PDE8B: variants seen among roughly 807,000 people sequenced by gnomAD.
The protein encoded by PDE8B is high affinity cAMP-specific and IBMX-insensitive 3',5'-cyclic phosphodiesterase 8B.
Under a neutral mutation model 101.3 loss-of-function variants are expected in PDE8B, and 26 were observed. The ratio of observed to expected loss-of-function variants is 0.26; its 90% CI spans 0.19 to 0.36. PDE8B has a LOEUF of 0.36. PDE8B is among the 10% of genes least tolerant of loss of function. The pLI is 1.00. For synonymous variants in PDE8B, 424 were observed against 429.3 expected, an observed-to-expected ratio of 0.99 and a Z score of 0.15; for missense variants, 810 against 1,163.1, an observed-to-expected ratio of 0.70 and a Z score of 4.42.
chr5:77,318,616 C>G (rs10474495), intron 2 of PDE8B, among the ~76,000 whole-genome samples: 50,120 of 151,812 alleles, frequency 0.33, 8,333 homozygotes, highest in Middle Eastern at 0.43. Context: ...ATAGTGGCTG[C>G]CCCTTAAAAA....
In PDE8B at chr5:77,211,056, T is replaced by G. The variant is rs1251363043; in HGVS notation, c.131T>G (p.Phe44Cys). ...CCGGCGGCACCCCTGCCCGGCCTCT[T>G]CGTCCAGACCGACGCCGCCGACGCC... is the stretch of plus-strand genomic sequence containing the variant. ...QGPAAPLPGL[F>C]VQTDAADAIP... The change falls in exon 1 of 22, where the codon TTC becomes TGC. Residue 44 changes from phenylalanine to cysteine, a missense_variant. Physicochemically the swap from Phe to Cys is radical, Grantham distance 205. Around this residue, in one of 4 missense-constraint regions of PDE8B, gnomAD observed 159 missense variants for 146.6 expected, o/e 1.08. Transcript: ENST00000264917. This position sits in a 1 kb window ranked among gnomAD's most constrained non-coding sequence, Gnocchi z 4.1. 6.5e-7 allele frequency: 1 copy of G among 1,528,454 alleles called. No individual in the cohort carries two copies. Among genetic ancestry groups the G allele is most frequent in the Non-Finnish European group, 8.7e-7 (1 of 1,147,700 alleles). 94.7% of individuals were successfully genotyped at this position (1,528,454 alleles called of 1,614,324 possible). A position where few individuals can be genotyped will look rare whatever the true frequency, so the allele number is the denominator to read the frequency against.
At chr5:77,226,525 A>G (rs111940983) in intron 1 of PDE8B, among the ~76,000 whole-genome samples, 5,020 of 152,216 alleles carry the variant, frequency 0.033, 116 homozygotes, top group Non-Finnish European at 0.052. Context: ...AATTTTTGCT[A>G]TTGTAATGGT....
At chr5:77,417,111 A>G (rs1261606184) in intron 17 of PDE8B, among the ~76,000 whole-genome samples, 1 of 152,164 alleles carries the variant, frequency 6.6e-6, no homozygotes, top group East Asian at 1.9e-4. Context: ...GGTAGCCATC[A>G]GCCTCGCATG....
At chr5:77,182,855 T>G in the PDE8B span, among the ~76,000 whole-genome samples, 3 of 152,100 alleles carry the variant, frequency 2.0e-5, no homozygotes, top group Middle Eastern at 6.8e-3. Flanking sequence ...ATTTGCTTTT[T>G]TGATAACACT....
At chr5:77,398,898 C>T (rs1315471947) in intron 10 of PDE8B, among the ~76,000 whole-genome samples, 3 of 152,224 alleles carry the variant, frequency 2.0e-5, no homozygotes, top group Admixed American at 6.5e-5. Context: ...GCTTACCACA[C>T]GTCAGAGTGG....
chr5:77,315,648 C>T (rs1773638550), intron 2 of PDE8B, among the ~76,000 whole-genome samples: 1 of 152,136 alleles, frequency 6.6e-6, no homozygotes, highest in Non-Finnish European at 1.5e-5. Context: ...AATTTTGTGA[C>T]TATGTGATCT....
chr5:77,291,816 T>C (rs1183052284), intron 1 of PDE8B: 2 of 1,555,820 alleles, frequency 1.3e-6, no homozygotes, highest in African/African-American at 2.7e-5. Flanking sequence ...GTGTTTTAGA[T>C]GAACATCCCT....
chr5:77,371,072 AC>A (rs1785007667), intron 10 of PDE8B, among the ~76,000 whole-genome samples: 1 of 152,218 alleles, frequency 6.6e-6, no homozygotes, highest in Admixed American at 6.5e-5. Flanking sequence ...GCTCATATGT[AC>A]TTTCACTCTG....
At chr5:77,225,379 G>C (rs1752107501) in intron 1 of PDE8B, among the ~76,000 whole-genome samples, 1 of 152,164 alleles carries the variant, frequency 6.6e-6, no homozygotes. Flanking sequence ...CCTTACTGAT[G>C]CTCAGTTGTC....
chr5:77,417,405 A>G (rs1024812841), intron 17 of PDE8B, among the ~76,000 whole-genome samples: 17 of 152,208 alleles, frequency 1.1e-4, no homozygotes, highest in African/African-American at 3.6e-4. Context: ...TACAAACTCC[A>G]TTGTGCAGAC....
the PDE8B span, among the ~76,000 whole-genome samples, chr5:77,150,546 C>G: frequency 6.6e-6 from 1 of 152,142 alleles, no homozygotes; most frequent in African/African-American, 2.4e-5. Context: ...AAGGGACAAA[C>G]TAGGGTACAT....
chr5:77,190,177 G>T, the PDE8B span, among the ~76,000 whole-genome samples: 1 of 152,170 alleles, frequency 6.6e-6, no homozygotes, highest in South Asian at 2.1e-4. Flanking sequence ...AAGGGTGATT[G>T]TGGTCTGGCT....
At chr5:77,335,269 C>T (rs1777921083) in intron 5 of PDE8B, among the ~76,000 whole-genome samples, 1 of 152,132 alleles carries the variant, frequency 6.6e-6, no homozygotes, top group Non-Finnish European at 1.5e-5. Flanking sequence ...AAAACATGAG[C>T]TAACAACTCC....
intron 1 of PDE8B, among the ~76,000 whole-genome samples, chr5:77,300,238 G>A (rs558784826): frequency 6.6e-6 from 1 of 152,220 alleles, no homozygotes; most frequent in Non-Finnish European, 1.5e-5. Flanking sequence ...ACGTTACTCA[G>A]CCTGTTCTGT....
intron 1 of PDE8B, among the ~76,000 whole-genome samples, chr5:77,258,338 G>C (rs1176783018): frequency 6.7e-6 from 1 of 149,616 alleles, no homozygotes; most frequent in Admixed American, 6.6e-5. Flanking sequence ...AGTGTGTTTA[G>C]AGCAGAGTGA....
chr5:77,225,453 T>C (rs1034317783), intron 1 of PDE8B, among the ~76,000 whole-genome samples: 2 of 152,220 alleles, frequency 1.3e-5, no homozygotes, highest in Non-Finnish European at 1.5e-5. Context: ...CTGCTAGTAA[T>C]GTTTGACAGA....
At chr5:77,291,651 G>C in intron 1 of PDE8B, 1 of 1,596,608 alleles carries the variant, frequency 6.3e-7, no homozygotes, top group Non-Finnish European at 8.6e-7. Flanking sequence ...AACAAGTGGG[G>C]CTGAGATTGG....
At chr5:77,147,537 CTG>C in the PDE8B span, 1 of 149,666 alleles carries the variant, frequency 6.7e-6, no homozygotes, top group Non-Finnish European at 1.5e-5. Flanking sequence ...GAATACCACT[CTG>C]TAATTGCAAA....
intron 20 of PDE8B, among the ~76,000 whole-genome samples, chr5:77,424,211 C>T (rs1451062538): frequency 1.3e-5 from 2 of 152,042 alleles, no homozygotes; most frequent in Non-Finnish European, 2.9e-5. Flanking sequence ...CAATGGGCTT[C>T]CCCGGACCCA....
Sources: allele counts gnomAD v4.1 joint callset (sites outside exome capture counted in the v4.1 genomes callset), GRCh38; gene constraint gnomAD v4.1.1; regional missense constraint gnomAD v4.1.1; non-coding constraint Gnocchi (gnomAD v3.1); transcripts MANE v1.5; gene names NCBI Gene and HGNC (gene_info 2026-07-23, HGNC 2026-07-21).